Variants in ZFR2 observed in about 807,000 individuals in gnomAD.
ZFR2 encodes the protein zinc finger RNA-binding protein 2.
A neutral mutation model predicts 105.7 loss-of-function variants in ZFR2; 104 were observed. The observed-to-expected ratio is 0.98, with a 90% CI of 0.84 to 1.16. ZFR2 has a LOEUF of 1.16. Among genes scored for constraint, ZFR2 ranks in the 50% most tolerant of loss-of-function variants. The pLI, the probability that ZFR2 is intolerant of heterozygous loss-of-function variation, is 0.00. For synonymous variants in ZFR2, 634 were observed against 597.7 expected (o/e 1.06, Z -0.89); for missense variants, 1,425 against 1,355.5 (o/e 1.05, Z -0.80).
rs953641268 is a variant in ZFR2 at position 3,854,525 on chromosome 19, G to A, written c.53+14440C>T. On this transcript the variant is annotated intron_variant, in intron 1 of 18. Transcript: ENST00000262961. The stretch of plus-strand genomic sequence containing the variant: ...CGATCATGTGAACACATCATCTCCG[G>A]ACCAAAACCAAAAGTCGATTATTCC... 5.3e-5 allele frequency among the ~76,000 whole-genome samples: 8 copies of A among 152,234 alleles called. No homozygotes were observed. The East Asian group carries it at 1.5e-3, about 29-fold the overall frequency.
intron 8 of ZFR2, among the ~76,000 whole-genome samples, chr19:3,822,415 C>T (rs1356379925): frequency 1.3e-5 from 2 of 151,738 alleles, no homozygotes; most frequent in Admixed American, 6.6e-5. Context: ...TGGGCTCAAG[C>T]GATCCTCCCA....
Position 3,838,611 on chromosome 19 carries a change from T to C in ZFR2, c.54-3628A>G, listed in dbSNP as rs984852568. 6.6e-6 allele frequency among the ~76,000 whole-genome samples: 1 copy of C among 152,000 alleles called. No individual in the cohort carries two copies. The highest frequency in any genetic ancestry group is 2.1e-4 in the South Asian group (1 of 4,802). On this transcript the variant is annotated intron_variant, in intron 1 of 18. Transcript: ENST00000262961. This position sits in a 1 kb window ranked among gnomAD's most constrained non-coding sequence, Gnocchi z 4.9. Reference sequence around the variant, plus strand: ...CCATGCCATCTCCTGCTCAAAGCCCTCCCAAGGCCCTGCCACAGCCACATC... The same window carrying C: ...CCATGCCATCTCCTGCTCAAAGCCCCCCCAAGGCCCTGCCACAGCCACATC...
intron 10 of ZFR2, among the ~76,000 whole-genome samples, chr19:3,820,902 G>A (rs2037884035): frequency 9.0e-6 from 1 of 111,298 alleles, no homozygotes; most frequent in Non-Finnish European, 2.0e-5. Flanking sequence ...GGACACTAGA[G>A]GTCGGGGGAC....
intron 5 of ZFR2, among the ~76,000 whole-genome samples, chr19:3,828,259 C>T (rs2037974779): frequency 6.6e-6 from 1 of 152,104 alleles, no homozygotes; most frequent in Non-Finnish European, 1.5e-5. Flanking sequence ...ATTCTCCCGC[C>T]TCAGCCTCCC....
chr19:3,832,330 T>A (rs8108107), intron 3 of ZFR2, among the ~76,000 whole-genome samples: 40,276 of 151,292 alleles, frequency 0.27, 6,155 homozygotes, highest in African/African-American at 0.42. Context: ...TATTATTATT[T>A]TTTTTTTTTT....
intron 3 of ZFR2, among the ~76,000 whole-genome samples, chr19:3,833,266 A>T (rs1481074366): frequency 7.4e-6 from 1 of 135,138 alleles, no homozygotes; most frequent in Non-Finnish European, 1.6e-5. Context: ...AAAAAAAAAA[A>T]GAAAAGAAAA....
chr19:3,833,728 C>A lies in ZFR2; in HGVS notation c.315G>T (p.Arg105Ser). 6.3e-7 allele frequency: 1 copy of A among 1,583,296 alleles called. No homozygotes were observed. The highest frequency in any genetic ancestry group is 1.8e-5 in the Admixed American group (1 of 55,806). ...GGAGGGCAGCAGACTGGAAGTACGG[C>A]CTGTCCTCATAGCTCCTGGCAGCTG... ...QSAAARSYED[R>S]PYFQSAALQS... Residue 105 changes from arginine (R) to serine (S), a missense_variant, in exon 3 of 19, where the codon AGG becomes AGT. By Grantham distance (110) the Arg-to-Ser change is moderately radical. Transcript: ENST00000262961.
intron 9 of ZFR2, 102 bp downstream of exon 9, chr19:3,821,979 T>C (rs2145148237): frequency 6.9e-7 from 1 of 1,453,682 alleles, no homozygotes; most frequent in Non-Finnish European, 9.1e-7. Flanking sequence ...CTTAAGTTCG[T>C]CGGATCACAC....
rs1019600822 is a variant in ZFR2 at position 3,837,483 on chromosome 19, T to C, written c.54-2500A>G. The stretch of plus-strand genomic sequence containing the variant: ...ATGACTATGGGACACTCAAACACCA[T>C]GACCATGACACTCAATGAACACCGT... On this transcript the variant is annotated intron_variant, in intron 1 of 18. Coordinates refer to ENST00000262961, the MANE Select transcript of ZFR2 (RefSeq NM_015174.2). Among the ~76,000 whole-genome samples the C allele has an allele frequency of 2.0e-5, 3 of 147,488 alleles. No individual in the cohort carries two copies. The Admixed American group carries it at 2.0e-4, about 10-fold the overall frequency.
Position 3,810,990 on chromosome 19 carries a change from C to T in ZFR2, c.2338-145G>A, listed in dbSNP as rs560014341. On this transcript the variant is annotated intron_variant, in intron 15 of 18. Transcript: ENST00000262961. ...AGGTGGCGGGTGGAAACAGAGTCCA[C>T]TCCCACATGAGCCCGGTGCCACCAG... 4.9e-5 allele frequency: 46 copies of T among 930,798 alleles called. No individual in the cohort carries two copies. In the African/African-American group the frequency reaches 7.6e-4, roughly 15 times the overall value. The allele number at this position is 930,798 out of a possible 1,614,324, so 57.7% of individuals were successfully genotyped here.
At chr19:3,826,104 C>T (rs981792798) in intron 6 of ZFR2, among the ~76,000 whole-genome samples, 24 of 152,130 alleles carry the variant, frequency 1.6e-4, no homozygotes, top group Admixed American at 4.6e-4. Context: ...ACCTGCAGCT[C>T]TGCCCCACCG....
chr19:3,851,581 C>T (rs1487484525), intron 1 of ZFR2, among the ~76,000 whole-genome samples: 2 of 152,208 alleles, frequency 1.3e-5, no homozygotes, highest in Non-Finnish European at 2.9e-5. Context: ...GGTCTCACAC[C>T]CACTCTCAGG....
chr19:3,830,037 A>C (rs911728466), intron 5 of ZFR2, among the ~76,000 whole-genome samples: 1 of 152,104 alleles, frequency 6.6e-6, no homozygotes. Flanking sequence ...GCAGGGACTC[A>C]GCTTGTCATC....
At position 3,823,214 on chromosome 19, in the gene ZFR2, C is replaced by A. The variant is rs371884755; in HGVS notation, c.1371+32G>T. The A allele has an allele frequency of 1.2e-6, 2 of 1,613,388 alleles. No homozygotes were observed. The highest frequency in any genetic ancestry group is 2.2e-5 in the East Asian group (1 of 44,880). On this transcript the variant is annotated intron_variant, in intron 8 of 18. Coordinates refer to ENST00000262961, the MANE Select transcript of ZFR2 (RefSeq NM_015174.2). The surrounding 1 kb of genome is among the most constrained non-coding windows in gnomAD (Gnocchi z 5.4). The stretch of plus-strand genomic sequence containing the variant: ...ATCCATGGGAAGGTCCTTCCCTGAC[C>A]GGGGCACCAGGACTTGACAGCCTCG...
intron 9 of ZFR2, 130 bp downstream of exon 9, chr19:3,821,951 A>T: frequency 1.5e-6 from 2 of 1,377,036 alleles, no homozygotes; most frequent in South Asian, 2.9e-5. Flanking sequence ...TTGAAAACCC[A>T]GAAAATCACC....
chr19:3,811,315 C>T lies in ZFR2; in HGVS notation c.2294G>A (p.Cys765Tyr), dbSNP rs747027372. ...ACGGAGGGCGGCCAGGGACTCGAGG[C>T]ACTTCTTGGGGCTCAGGACATCACC... ...DAGDVLSPKK[C>Y]LESLAALRHA... The change falls in exon 15 of 19, where the codon TGC becomes TAC. Residue 765 changes from cysteine (C) to tyrosine (Y), a missense_variant. Coordinates refer to ENST00000262961, the MANE Select transcript of ZFR2 (RefSeq NM_015174.2). 18 of 1,605,502 alleles carry T rather than the reference C, an allele frequency of 1.1e-5. No individual in the cohort carries two copies. The highest frequency in any genetic ancestry group is 1.5e-5 in the Non-Finnish European group (18 of 1,176,698).
At position 3,822,188 on chromosome 19, in the gene ZFR2, C is replaced by T. The variant is rs750499948; in HGVS notation, c.1384G>A (p.Glu462Lys). ...CAGTGGAAGCGAAGCACTCGCCCTT[C>T]GTCGCTGAACACCTGAGACACAGAA... ...PEYVEEVFSD[E>K]GRVLRFHCKL... Residue 462 changes from glutamate (E) to lysine (K), a missense_variant, in exon 9 of 19, where the codon GAA (glutamate) becomes AAA (lysine). By Grantham distance (56) the Glu-to-Lys change is moderately conservative. Transcript: ENST00000262961. 4.4e-6 allele frequency: 7 copies of T among 1,595,158 alleles called. No homozygotes were observed. The highest frequency in any genetic ancestry group is 1.3e-5 in the African/African-American group (1 of 74,540).
At chr19:3,826,179 T>C (rs1050494354) in intron 6 of ZFR2, among the ~76,000 whole-genome samples, 1 of 151,908 alleles carries the variant, frequency 6.6e-6, no homozygotes, top group African/African-American at 2.4e-5. Context: ...GCTCCTTCCC[T>C]CCTCCATGCC....
chr19:3,836,208 A>G (rs934591741), intron 1 of ZFR2, among the ~76,000 whole-genome samples: 1 of 151,804 alleles, frequency 6.6e-6, no homozygotes, highest in African/African-American at 2.4e-5. Context: ...AGAAGGAAAA[A>G]CCCCATACAT....
Sources: gnomAD v4.1 joint callset for allele counts (sites outside exome capture counted in the v4.1 genomes callset) on GRCh38, gnomAD v4.1.1 for gene constraint, Gnocchi (gnomAD v3.1) non-coding constraint, MANE v1.5 for transcripts, NCBI Gene and HGNC (gene_info 2026-07-23, HGNC 2026-07-21) for gene names.